Variants in CSNK1G1 observed in about 807,000 individuals in gnomAD.
The protein encoded by CSNK1G1 is casein kinase I isoform gamma-1.
CSNK1G1 carries 22 observed loss-of-function variants against 59.6 expected under a neutral mutation model. That is an observed-to-expected ratio of 0.37 (90% CI 0.26 to 0.53). The LOEUF is 0.53. Among genes scored for constraint, CSNK1G1 ranks in the 20% least tolerant of loss-of-function variants. CSNK1G1 has a pLI of 0.89. For missense variants in CSNK1G1, 384 were observed against 519.5 expected (o/e 0.74, Z 2.54); for synonymous variants, 179 against 177.1 (o/e 1.01, Z -0.08).
chr15:64,348,047 TAAGTGAAAAAAAAAACAATCTTAAA>T (rs1397220919), intron 1 of CSNK1G1, among the ~76,000 whole-genome samples: 1 of 150,124 alleles, frequency 6.7e-6, no homozygotes, highest in East Asian at 1.9e-4. Context: ...CGCATATTGC[TAAGTGAAAAAAAAAACAATCTTAAA>T]AAGCTCTATG....
In CSNK1G1 at chr15:64,214,291, T is replaced by A. The variant is rs1204368638; in HGVS notation, c.445-167A>T. On this transcript the variant is annotated intron_variant, in intron 5 of 11. Transcript: ENST00000303052. The surrounding 1 kb of genome is among the most constrained non-coding windows in gnomAD (Gnocchi z 4.3). ...ACTGACTTGTAAACAAAAAAATATTTTGCTATAAATACGTACACAACAAAT... is the reference window on the plus strand; with the variant it reads ...ACTGACTTGTAAACAAAAAAATATTATGCTATAAATACGTACACAACAAAT... 1 of 612,554 alleles carries A rather than the reference T, an allele frequency of 1.6e-6. No individual in the cohort carries two copies. Among genetic ancestry groups the A allele is most frequent in the Admixed American group, 2.9e-5 (1 of 34,002 alleles). The allele number at this position is 612,554 out of a possible 1,614,324, so 37.9% of individuals were successfully genotyped here. A position where few individuals can be genotyped will look rare whatever the true frequency, so the allele number is the denominator to read the frequency against.
chr15:64,260,860 T>C (rs1381341326), intron 2 of CSNK1G1, among the ~76,000 whole-genome samples: 4 of 152,168 alleles, frequency 2.6e-5, no homozygotes, highest in Non-Finnish European at 5.9e-5. Flanking sequence ...TGCCATCAGA[T>C]TGCGAGTACC....
chr15:64,277,328 T>C (rs577843565), intron 2 of CSNK1G1, among the ~76,000 whole-genome samples: 38 of 151,874 alleles, frequency 2.5e-4, no homozygotes, highest in African/African-American at 9.2e-4. Flanking sequence ...TAGCCAGGCA[T>C]TGTGGTGCAC....
chr15:64,309,678 A>C (rs1262969059), intron 1 of CSNK1G1, among the ~76,000 whole-genome samples: 1 of 152,230 alleles, frequency 6.6e-6, no homozygotes, highest in African/African-American at 2.4e-5. Context: ...TTTGAGGTAT[A>C]TCCTGCCCTA....
intron 1 of CSNK1G1, among the ~76,000 whole-genome samples, chr15:64,340,971 C>T (rs1394655243): frequency 6.6e-6 from 1 of 151,936 alleles, no homozygotes. Context: ...AACACCACCA[C>T]GTCCAGCTAA....
intron 6 of CSNK1G1, among the ~76,000 whole-genome samples, chr15:64,212,941 G>A (rs966191545): frequency 5.3e-5 from 8 of 152,164 alleles, no homozygotes; most frequent in African/African-American, 1.9e-4. Flanking sequence ...GCGAGGCAGA[G>A]GTTGCAGTGA....
At chr15:64,306,413 G>A (rs1895687654) in intron 1 of CSNK1G1, among the ~76,000 whole-genome samples, 1 of 152,074 alleles carries the variant, frequency 6.6e-6, no homozygotes, top group South Asian at 2.1e-4. Flanking sequence ...TGTCAGAAGG[G>A]AATTGCAAAT....
At chr15:64,180,679 G>A (rs2081801823) in intron 10 of CSNK1G1, among the ~76,000 whole-genome samples, 1 of 152,204 alleles carries the variant, frequency 6.6e-6, no homozygotes, top group South Asian at 2.1e-4. Flanking sequence ...CCTACTCCGT[G>A]TCTGACACTC....
intron 4 of CSNK1G1, among the ~76,000 whole-genome samples, chr15:64,250,053 CTT>C (rs1891989818): frequency 1.3e-5 from 2 of 152,180 alleles, no homozygotes; most frequent in Non-Finnish European, 1.5e-5. Flanking sequence ...CTGTGACAGT[CTT>C]TTCCCTAAAA....
intron 10 of CSNK1G1, 84 bp from the exon 11 acceptor site, chr15:64,180,538 C>A (rs1046501632): frequency 4.7e-6 from 5 of 1,058,362 alleles, no homozygotes; most frequent in Non-Finnish European, 7.3e-6. Flanking sequence ...GCTAAACAGG[C>A]AGTGTCTGGA....
At chr15:64,218,948 G>A (rs1596111494) in intron 4 of CSNK1G1, among the ~76,000 whole-genome samples, 2 of 147,290 alleles carry the variant, frequency 1.4e-5, no homozygotes, top group African/African-American at 5.0e-5. Context: ...TCCGCCTCCC[G>A]AGTTCAAGCC....
At chr15:64,257,453 T>C (rs1256137745) in intron 3 of CSNK1G1, among the ~76,000 whole-genome samples, 3 of 152,044 alleles carry the variant, frequency 2.0e-5, no homozygotes, top group Non-Finnish European at 4.4e-5. Flanking sequence ...ACAGAAAAAG[T>C]AAAAAAAGCA....
At chr15:64,192,840 T>TAAAAAAAAAAAA in intron 10 of CSNK1G1, among the ~76,000 whole-genome samples, 1 of 32,226 alleles carries the variant, frequency 3.1e-5, no homozygotes, top group Middle Eastern at 0.028. Flanking sequence ...GAGATCTGCC[T>TAAAAAAAAAAAA]AAAAAAAAAA....
chr15:64,218,429 G>C (rs980367639), intron 4 of CSNK1G1, among the ~76,000 whole-genome samples: 53 of 148,906 alleles, frequency 3.6e-4, no homozygotes, highest in African/African-American at 1.3e-3. Context: ...GTCTCATTCT[G>C]TCACCCAGGC....
At chr15:64,231,526 T>G in intron 4 of CSNK1G1, among the ~76,000 whole-genome samples, 1 of 151,358 alleles carries the variant, frequency 6.6e-6, no homozygotes. Flanking sequence ...TAGCTTAGAA[T>G]AGTACTTAAC....
intron 4 of CSNK1G1, among the ~76,000 whole-genome samples, chr15:64,218,301 C>G (rs1438230970): frequency 1.3e-5 from 2 of 152,176 alleles, no homozygotes; most frequent in African/African-American, 4.8e-5. Flanking sequence ...GTACATCTAA[C>G]ACATACTTCT....
chr15:64,277,032 A>G (rs1039316599), intron 2 of CSNK1G1, among the ~76,000 whole-genome samples: 2 of 152,144 alleles, frequency 1.3e-5, no homozygotes, highest in Admixed American at 1.3e-4. Flanking sequence ...TCAATTCCGG[A>G]AGAACTAGAA....
chr15:64,281,503 A>G (rs1174558811), intron 2 of CSNK1G1, among the ~76,000 whole-genome samples: 2 of 152,196 alleles, frequency 1.3e-5, no homozygotes, highest in Non-Finnish European at 2.9e-5. Flanking sequence ...AGGGGAAAGT[A>G]GGAGTTGTTT....
At chr15:64,297,905 G>GC (rs1320010017) in intron 2 of CSNK1G1, among the ~76,000 whole-genome samples, 1 of 152,148 alleles carries the variant, frequency 6.6e-6, no homozygotes, top group Non-Finnish European at 1.5e-5. Context: ...GGGGTATGCA[G>GC]CCCACTCTAT....
Sources: allele counts gnomAD v4.1 joint callset (sites outside exome capture counted in the v4.1 genomes callset), GRCh38; gene constraint gnomAD v4.1.1; non-coding constraint Gnocchi (gnomAD v3.1); transcripts MANE v1.5; gene names NCBI Gene and HGNC (gene_info 2026-07-23, HGNC 2026-07-21).